Variants in PCDHGA10 observed in about 807,000 individuals in gnomAD.
PCDHGA10 encodes the protein protocadherin gamma subfamily A, 10.
In PCDHGA10, 42 loss-of-function variants were observed where a neutral mutation model predicts 59.5. The observed-to-expected ratio is 0.71, with a 90% CI of 0.55 to 0.91. The LOEUF is 0.91. Among genes scored for constraint, PCDHGA10 ranks in the 40% least tolerant of loss-of-function variants. PCDHGA10 has a pLI of 0.00. For synonymous variants in PCDHGA10, 511 were observed against 517.2 expected, an observed-to-expected ratio of 0.99 and a Z score of 0.16; for missense variants, 1,111 against 1,198.2, an observed-to-expected ratio of 0.93 and a Z score of 1.07.
intron 1 of PCDHGA10, among the ~76,000 whole-genome samples, chr5:141,448,434 GA>G (rs1297090877): frequency 1.3e-5 from 2 of 152,050 alleles, no homozygotes; most frequent in South Asian, 4.2e-4. Flanking sequence ...TATATATTGA[GA>G]AGTCTGACTT....
At chr5:141,445,782 G>A (rs530081823) in intron 1 of PCDHGA10, among the ~76,000 whole-genome samples, 1 of 152,310 alleles carries the variant, frequency 6.6e-6, no homozygotes, top group East Asian at 1.9e-4. Flanking sequence ...AAGGGCTAGG[G>A]AGGCTAGAAA....
rs376527354 is a variant in PCDHGA10, at chr5:141,439,129, G to A, written c.2436+23518G>A. Among the ~76,000 whole-genome samples the A allele has an allele frequency of 7.3e-5, 11 of 151,064 alleles. No individual in the cohort carries two copies. The South Asian group carries it at 2.3e-3, about 32-fold the overall frequency. The stretch of plus-strand genomic sequence containing the variant: ...AATCACTTGAACCCGGGAGACAGAG[G>A]TTGCAGTGAGCTGAGATCACGCCAC... On this transcript the variant is annotated intron_variant, in intron 1 of 3. Coordinates refer to ENST00000398610, the MANE Select transcript of PCDHGA10 (RefSeq NM_018913.3).
chr5:141,456,047 A>G (rs1321504293), intron 1 of PCDHGA10, among the ~76,000 whole-genome samples: 3 of 151,774 alleles, frequency 2.0e-5, no homozygotes, highest in Non-Finnish European at 4.4e-5. Context: ...ACAGGCGCCC[A>G]CCACCACGTC....
chr5:141,419,240 G>C (rs753956971), intron 1 of PCDHGA10: 1 of 1,613,980 alleles, frequency 6.2e-7, no homozygotes, highest in South Asian at 1.1e-5. Flanking sequence ...CCTGGTCCAC[G>C]TGCCAGAAAA....
chr5:141,482,530 CA>C (rs3074545), intron 1 of PCDHGA10, among the ~76,000 whole-genome samples: 1,133 of 76,538 alleles, frequency 0.015, 6 homozygotes, highest in Admixed American at 0.025. Flanking sequence ...GACAGACATG[CA>C]AAAAAAAAAA....
intron 1 of PCDHGA10, chr5:141,421,426 A>T: frequency 1.2e-6 from 2 of 1,614,104 alleles, no homozygotes; most frequent in Non-Finnish European, 8.5e-7. Flanking sequence ...CGGAGTCCGC[A>T]TCGTCTCCAG....
chr5:141,448,439 C>T (rs182359185), intron 1 of PCDHGA10, among the ~76,000 whole-genome samples: 7 of 152,232 alleles, frequency 4.6e-5, no homozygotes, highest in Admixed American at 4.6e-4. Context: ...ATTGAGAAGT[C>T]TGACTTCCAT....
chr5:141,421,338 A>G (rs560707757), intron 1 of PCDHGA10: 2 of 1,613,966 alleles, frequency 1.2e-6, no homozygotes, highest in Non-Finnish European at 1.7e-6. Context: ...ATTCGGTGCC[A>G]GAAGAGACCG....
At chr5:141,500,782 T>G (rs2099802612) in intron 2 of PCDHGA10, among the ~76,000 whole-genome samples, 2 of 152,222 alleles carry the variant, frequency 1.3e-5, no homozygotes, top group Admixed American at 1.3e-4. Context: ...ATATACATAT[T>G]ATTTTACAGA....
At chr5:141,475,983 C>T in intron 1 of PCDHGA10, 2 of 1,049,240 alleles carry the variant, frequency 1.9e-6, no homozygotes, top group Non-Finnish European at 2.8e-6. Context: ...GAACAGCCGG[C>T]GAGCAAATCA....
chr5:141,476,206 C>A lies in PCDHGA10; in HGVS notation c.2437-18601C>A. On this transcript the variant is annotated intron_variant, in intron 1 of 3. Transcript: ENST00000398610. This position sits in a 1 kb window ranked among gnomAD's most constrained non-coding sequence, Gnocchi z 7.6. ...TGCTTGGTGCCTTGAACAAGGCTTC[C>A]ACGGTCATTCACTATGAGATCCCGG... 1 of 1,613,930 alleles carries A rather than the reference C, an allele frequency of 6.2e-7. No individual in the cohort carries two copies. The highest frequency in any genetic ancestry group is 1.7e-5 in the Admixed American group (1 of 60,004).
In PCDHGA10 at chr5:141,432,808, C is replaced by G. The variant is rs1473886709; in HGVS notation, c.2436+17197C>G. ...TCGGCAGCCTCGAGTCTCCAGCTAA[C>G]TCTGAAACCTCAGACCTCACTCTGT... is the stretch of plus-strand genomic sequence containing the variant. On this transcript the variant is annotated intron_variant, in intron 1 of 3. Coordinates refer to ENST00000398610, the MANE Select transcript of PCDHGA10 (RefSeq NM_018913.3). This position sits in a 1 kb window ranked among gnomAD's most constrained non-coding sequence, Gnocchi z 6.0. 2 of 1,613,486 alleles carry G rather than the reference C, an allele frequency of 1.2e-6. No individual in the cohort carries two copies. Among genetic ancestry groups the G allele is most frequent in the Non-Finnish European group, 1.7e-6 (2 of 1,180,008 alleles).
At chr5:141,458,617 T>A (rs1392739721) in intron 1 of PCDHGA10, among the ~76,000 whole-genome samples, 6 of 152,170 alleles carry the variant, frequency 3.9e-5, no homozygotes, top group Non-Finnish European at 8.8e-5. Flanking sequence ...TCAGCCAGGC[T>A]GGAGTGCAGT....
In PCDHGA10 at chr5:141,486,270, G is replaced by A. The variant is rs1052584402; in HGVS notation, c.2437-8537G>A. 2 of 1,614,062 alleles carry A rather than the reference G, an allele frequency of 1.2e-6. No homozygotes were observed. Reference sequence around the variant, plus strand: ...ACCCTCCCCGAGAGTGCAGAACCTGGCACTGTGGTGGCACTTATCAGTGTG... The same window carrying A: ...ACCCTCCCCGAGAGTGCAGAACCTGACACTGTGGTGGCACTTATCAGTGTG... On this transcript the variant is annotated intron_variant, in intron 1 of 3. Coordinates refer to ENST00000398610, the MANE Select transcript of PCDHGA10 (RefSeq NM_018913.3). This position sits in a 1 kb window ranked among gnomAD's most constrained non-coding sequence, Gnocchi z 5.0.
Position 141,414,000 on chromosome 5 carries a change from A to C in PCDHGA10, c.825A>C (p.Glu275Asp), listed in dbSNP as rs759228883. Residue 275 changes from glutamate (E) to aspartate (D), a missense_variant, in exon 1 of 4, where the codon GAA (glutamate) becomes GAC (aspartate). Transcript: ENST00000398610. ...CAGTCACAGCCACCGACAGGGACGA[A>C]GGTGCCAATGGAGAAGTGACATATT... Reference protein sequence around the residue: ...LLTVTATDRDEGANGEVTYSF... With the variant: ...LLTVTATDRDDGANGEVTYSF... 20 of 1,613,400 alleles carry C rather than the reference A, an allele frequency of 1.2e-5. No homozygotes were observed. The highest frequency in any genetic ancestry group is 1.6e-5 in the Non-Finnish European group (19 of 1,179,770).
intron 2 of PCDHGA10, among the ~76,000 whole-genome samples, chr5:141,499,182 C>T (rs980293990): frequency 5.3e-5 from 8 of 152,114 alleles, no homozygotes; most frequent in African/African-American, 1.7e-4. Flanking sequence ...GCCCAGCAAA[C>T]CATTTCCCCC....
chr5:141,499,486 C>T (rs569172977), intron 2 of PCDHGA10, among the ~76,000 whole-genome samples: 3 of 152,284 alleles, frequency 2.0e-5, no homozygotes, highest in East Asian at 1.9e-4. Context: ...CCACCAACTA[C>T]AGTTTAATAT....
intron 1 of PCDHGA10, chr5:141,441,530 A>T (rs2154559371): frequency 5.8e-6 from 1 of 172,118 alleles, no homozygotes; most frequent in Non-Finnish European, 1.2e-5. Flanking sequence ...GCCAAGAACA[A>T]TCTTCCCAAA....
chr5:141,467,296 A>G lies in PCDHGA10; in HGVS notation c.2437-27511A>G, dbSNP rs1032802325. Among the ~76,000 whole-genome samples the G allele has an allele frequency of 6.6e-5, 10 of 151,858 alleles. No individual in the cohort carries two copies. The East Asian group carries it at 9.7e-4, about 15-fold the overall frequency. On this transcript the variant is annotated intron_variant, in intron 1 of 3. Transcript: ENST00000398610. The stretch of plus-strand genomic sequence containing the variant: ...TCGAACTCTTGACCTCAAGTGATCC[A>G]CTCACCTCGGCCTCCCACAGTGCTG...
Sources: allele counts gnomAD v4.1 joint callset (sites outside exome capture counted in the v4.1 genomes callset), GRCh38; gene constraint gnomAD v4.1.1; non-coding constraint Gnocchi (gnomAD v3.1); transcripts MANE v1.5; gene names NCBI Gene and HGNC (gene_info 2026-07-23, HGNC 2026-07-21).